Variants in ARHGAP5 observed in about 807,000 individuals in gnomAD.
The protein encoded by ARHGAP5 is rho GTPase-activating protein 5.
A neutral mutation model predicts 116.6 loss-of-function variants in ARHGAP5; 23 were observed. The observed-to-expected ratio is 0.20, with a 90% confidence interval of 0.14 to 0.28. The LOEUF (loss-of-function observed/expected upper bound fraction) is 0.28, where lower values mean the gene tolerates loss of function less well. Among genes scored for constraint, ARHGAP5 ranks in the 10% least tolerant of loss-of-function variants. The pLI, the probability that ARHGAP5 is intolerant of heterozygous loss-of-function variation, is 1.00. For missense variants in ARHGAP5, 1,405 were observed against 1,774.8 expected, an observed-to-expected ratio of 0.79 and a Z score of 3.74; for synonymous variants, 574 against 602.0, an observed-to-expected ratio of 0.95 and a Z score of 0.68.
At chr14:32,145,297 CAGT>C (rs1231537386) in intron 3 of ARHGAP5, among the ~76,000 whole-genome samples, 1 of 152,170 alleles carries the variant, frequency 6.6e-6, no homozygotes, top group African/African-American at 2.4e-5. Context: ...TGATTGGCAG[CAGT>C]AGAAGTCTAG....
At chr14:32,114,853 T>C (rs1183898963) in intron 2 of ARHGAP5, among the ~76,000 whole-genome samples, 1 of 152,202 alleles carries the variant, frequency 6.6e-6, no homozygotes, top group Non-Finnish European at 1.5e-5. Context: ...AAGACTATTG[T>C]TTTCAGGCAT....
At chr14:32,132,851 C>T (rs2139108343) in intron 3 of ARHGAP5, among the ~76,000 whole-genome samples, 1 of 152,222 alleles carries the variant, frequency 6.6e-6, no homozygotes, top group Non-Finnish European at 1.5e-5. Flanking sequence ...GAATCCTTTC[C>T]CCATTGCTTG....
intron 2 of ARHGAP5, among the ~76,000 whole-genome samples, chr14:32,100,304 A>G (rs1326614891): frequency 6.6e-6 from 1 of 152,128 alleles, no homozygotes; most frequent in African/African-American, 2.4e-5. Flanking sequence ...GGTTCAAGTG[A>G]TCTTCTCGCC....
At chr14:32,103,974 A>G (rs556168002) in intron 2 of ARHGAP5, among the ~76,000 whole-genome samples, 17 of 152,336 alleles carry the variant, frequency 1.1e-4, no homozygotes, top group African/African-American at 4.1e-4. Flanking sequence ...TTGTATAACA[A>G]TTGTTTTGAA....
At chr14:32,121,630 A>G (rs772755596) in intron 3 of ARHGAP5, among the ~76,000 whole-genome samples, 6 of 152,234 alleles carry the variant, frequency 3.9e-5, no homozygotes, top group Non-Finnish European at 7.3e-5. Context: ...TTCACTTTAT[A>G]CAATACACCC....
intron 4 of ARHGAP5, among the ~76,000 whole-genome samples, chr14:32,148,894 G>A (rs1462758509): frequency 6.6e-6 from 1 of 151,944 alleles, no homozygotes; most frequent in Admixed American, 6.6e-5. Flanking sequence ...TTCCATTCTT[G>A]ATTTTTTTAG....
intron 3 of ARHGAP5, among the ~76,000 whole-genome samples, chr14:32,130,163 A>G (rs1321367141): frequency 6.6e-6 from 1 of 151,132 alleles, no homozygotes; most frequent in East Asian, 1.9e-4. Context: ...TATATTTCCA[A>G]TTTACCTAGT....
At chr14:32,119,727 C>G (rs1879788178) in intron 3 of ARHGAP5, among the ~76,000 whole-genome samples, 1 of 152,032 alleles carries the variant, frequency 6.6e-6, no homozygotes. Context: ...TTGATTTTGT[C>G]ACGTGGTTTT....
chr14:32,091,335 T>C lies in ARHGAP5; in HGVS notation c.666T>C (p.Leu222=). The C allele has an allele frequency of 6.2e-7, 1 of 1,613,562 alleles. No homozygotes were observed. Among genetic ancestry groups the C allele is most frequent in the Non-Finnish European group, 8.5e-7 (1 of 1,179,650 alleles). ...VQAFASNKKN[L]LVVETSARFN... ...CATTTGCTTCAAATAAAAAGAACCT[T>C]CTTGTAGTGGAAACATCAGCACGAT... is the stretch of plus-strand genomic sequence containing the variant. Residue 222 remains leucine (L), a synonymous_variant, in exon 2 of 7, where the codon CTT becomes CTC. Transcript: ENST00000345122.
intron 2 of ARHGAP5, among the ~76,000 whole-genome samples, chr14:32,105,561 A>AATATCACAGCCAGGGTGTTG (rs1878977608): frequency 6.6e-6 from 1 of 152,116 alleles, no homozygotes; most frequent in Non-Finnish European, 1.5e-5. Flanking sequence ...ACTATAGTAC[A>AATATCACAGCCAGGGTGTTG]ATATCACAGC....
At chr14:32,128,256 G>A (rs535728619) in intron 3 of ARHGAP5, among the ~76,000 whole-genome samples, 114 of 152,248 alleles carry the variant, frequency 7.5e-4, no homozygotes, top group Middle Eastern at 3.4e-3. Context: ...CCAGGCAGAC[G>A]CTCCTCACTT....
chr14:32,147,843 G>A (rs764135095), intron 4 of ARHGAP5, among the ~76,000 whole-genome samples: 1 of 152,112 alleles, frequency 6.6e-6, no homozygotes, highest in Non-Finnish European at 1.5e-5. Context: ...GTATCGTATA[G>A]TCTAGTATCC....
intron 2 of ARHGAP5, 118 bp from the exon 3 acceptor site, chr14:32,117,022 T>C: frequency 2.8e-6 from 2 of 703,892 alleles, no homozygotes; most frequent in Admixed American, 7.0e-5. Context: ...TGGTGGACAT[T>C]TAGGTTGGAT....
At position 32,088,040 on chromosome 14, in the gene ARHGAP5, T is replaced by C. The variant is rs1451882119; in HGVS notation, c.-168-2462T>C. ...TGATAGAGTGTTTTCATTTCTACTTTACCTTTCTATCTTAACATATAGAGT... is the reference window on the plus strand; with the variant it reads ...TGATAGAGTGTTTTCATTTCTACTTCACCTTTCTATCTTAACATATAGAGT... On this transcript the variant is annotated intron_variant, in intron 1 of 6. Transcript: ENST00000345122. Among the ~76,000 whole-genome samples, 5 of 152,050 alleles carry C rather than the reference T, an allele frequency of 3.3e-5. No individual in the cohort carries two copies. In the East Asian group the frequency reaches 7.7e-4, roughly 23 times the overall value.
rs376967026 is a variant in ARHGAP5, at chr14:32,125,679, C to T, written c.3865+8392C>T. ...GTGTATTAATTTTAGCTGTCTTATC[C>T]CTTTTGATAAGGTTTCCTTTTAATC... is the stretch of plus-strand genomic sequence containing the variant. On this transcript the variant is annotated intron_variant, in intron 3 of 6. Coordinates refer to ENST00000345122, the MANE Select transcript of ARHGAP5 (RefSeq NM_001030055.2). 3.9e-5 allele frequency among the ~76,000 whole-genome samples: 6 copies of T among 152,178 alleles called. 1 individual carries two copies. The highest frequency in any genetic ancestry group is 5.9e-5 in the Non-Finnish European group (4 of 67,986).
At chr14:32,105,521 C>G (rs1248666881) in intron 2 of ARHGAP5, among the ~76,000 whole-genome samples, 1 of 151,804 alleles carries the variant, frequency 6.6e-6, no homozygotes, top group African/African-American at 2.4e-5. Context: ...GCTCTTTGCC[C>G]ATTTTCCCAC....
At chr14:32,095,735 T>G (rs1000402676) in intron 2 of ARHGAP5, among the ~76,000 whole-genome samples, 1 of 152,176 alleles carries the variant, frequency 6.6e-6, no homozygotes, top group Non-Finnish European at 1.5e-5. Context: ...AAAATAATAC[T>G]GATCTAGACT....
At chr14:32,108,020 A>G (rs1879094669) in intron 2 of ARHGAP5, among the ~76,000 whole-genome samples, 1 of 152,192 alleles carries the variant, frequency 6.6e-6, no homozygotes, top group Non-Finnish European at 1.5e-5. Context: ...TATGGGAGCT[A>G]ACAGATCAAG....
chr14:32,104,806 A>T (rs1467848181), intron 2 of ARHGAP5, among the ~76,000 whole-genome samples: 1 of 152,160 alleles, frequency 6.6e-6, no homozygotes, highest in East Asian at 1.9e-4. Flanking sequence ...GGCTTTTCAG[A>T]AATATATCTG....
Sources: gnomAD v4.1 joint callset for allele counts (sites outside exome capture counted in the v4.1 genomes callset) on GRCh38, gnomAD v4.1.1 for gene constraint, MANE v1.5 for transcripts, NCBI Gene and HGNC (gene_info 2026-07-23, HGNC 2026-07-21) for gene names.